FYTTD1: variants seen among roughly 807,000 people sequenced by gnomAD.
FYTTD1 encodes the protein UAP56-interacting factor.
Under a neutral mutation model 40.9 loss-of-function variants are expected in FYTTD1, and 22 were observed. That is an observed-to-expected ratio of 0.54 (90% CI 0.38 to 0.77). The LOEUF (loss-of-function observed/expected upper bound fraction) is 0.77, where lower values mean the gene tolerates loss of function less well. FYTTD1 is among the 30% of genes least tolerant of loss of function. The pLI is 0.00. For missense variants in FYTTD1, 351 were observed against 392.2 expected, an observed-to-expected ratio of 0.90 and a Z score of 0.89; for synonymous variants, 140 against 137.9, an observed-to-expected ratio of 1.01 and a Z score of -0.10.
rs1730126711 is a variant in FYTTD1 at position 197,785,152 on chromosome 3, A to G, written c.*3243A>G. 1 of 152,232 alleles carries G rather than the reference A, an allele frequency of 6.6e-6. No individual in the cohort carries two copies. Among genetic ancestry groups the G allele is most frequent in the Non-Finnish European group, 1.5e-5 (1 of 68,046 alleles). The allele number at this position is 152,232 out of a possible 1,614,324, so 9.4% of individuals were successfully genotyped here. On this transcript the variant is annotated 3_prime_UTR_variant, in exon 9 of 9. Transcript: ENST00000241502. ...GCTATTTGGGTTAGGTAGACCTGTT[A>G]GAAAAGTCCAGTGTTCCTAATCAGA...
chr3:197,764,882 G>T (rs918248410), intron 2 of FYTTD1, among the ~76,000 whole-genome samples: 1 of 150,228 alleles, frequency 6.7e-6, no homozygotes, highest in Non-Finnish European at 1.5e-5. Context: ...ATGGAGTCTT[G>T]CCCTGTCACC....
At chr3:197,775,955 A>G (rs1045526718) in intron 6 of FYTTD1, among the ~76,000 whole-genome samples, 1 of 152,238 alleles carries the variant, frequency 6.6e-6, no homozygotes, top group African/African-American at 2.4e-5. Context: ...TAATGTGAAT[A>G]TAAAGGAAGA....
Position 197,786,921 on chromosome 3 carries a change from C to T in FYTTD1, c.*5012C>T, listed in dbSNP as rs564428229. On this transcript the variant is annotated 3_prime_UTR_variant, in exon 9 of 9. Transcript: ENST00000241502. ...TCAAGCAATTCTTGTCCCTCAGCCTCGTAAGTAGGTGGGATTACAAGCTTG... is the reference window on the plus strand; with the variant it reads ...TCAAGCAATTCTTGTCCCTCAGCCTTGTAAGTAGGTGGGATTACAAGCTTG... 1.3e-5 allele frequency: 2 copies of T among 151,704 alleles called. No individual in the cohort carries two copies. Among genetic ancestry groups the T allele is most frequent in the Non-Finnish European group, 2.9e-5 (2 of 67,928 alleles). 9.4% of individuals were successfully genotyped at this position (151,704 alleles called of 1,614,324 possible).
chr3:197,767,441 A>T (rs372754439), intron 2 of FYTTD1, among the ~76,000 whole-genome samples: 4 of 145,082 alleles, frequency 2.8e-5, no homozygotes, highest in African/African-American at 5.0e-5. Context: ...CCTGGCTGCT[A>T]TTTTTTTTTT....
At chr3:197,751,729 A>ACCAGG (rs1395912599) in intron 1 of FYTTD1, among the ~76,000 whole-genome samples, 1 of 151,530 alleles carries the variant, frequency 6.6e-6, no homozygotes, top group African/African-American at 2.4e-5. Flanking sequence ...CTTACTACCT[A>ACCAGG]CCAGGTCCTG....
At chr3:197,762,566 G>A (rs1729419649) in intron 2 of FYTTD1, among the ~76,000 whole-genome samples, 1 of 147,338 alleles carries the variant, frequency 6.8e-6, no homozygotes, top group South Asian at 2.1e-4. Context: ...TCCACCCTGG[G>A]TGACAGAGCG....
chr3:197,763,980 GACCTGTA>G (rs1729466066), intron 2 of FYTTD1, among the ~76,000 whole-genome samples: 1 of 152,204 alleles, frequency 6.6e-6, no homozygotes, highest in African/African-American at 2.4e-5. Context: ...ACTGAACCAG[GACCTGTA>G]GAGGTAGGGC....
In FYTTD1 at chr3:197,782,382, A is replaced by ATT; in HGVS notation, c.*473_*474insTT. 1.3e-5 allele frequency: 2 copies of ATT among 152,238 alleles called. No homozygotes were observed. Among genetic ancestry groups the ATT allele is most frequent in the Non-Finnish European group, 2.9e-5 (2 of 68,098 alleles). The allele number at this position is 152,238 out of a possible 1,614,324, so 9.4% of individuals were successfully genotyped here. A position where few individuals can be genotyped will look rare whatever the true frequency, so the allele number is the denominator to read the frequency against. ...GTTGCCTTTTCTTCATTAGAGACAC[A>ATT]GAACAATGTATTAGAATTTCCAGCT... On this transcript the variant is annotated 3_prime_UTR_variant, in exon 9 of 9. Coordinates refer to ENST00000241502, the MANE Select transcript of FYTTD1 (RefSeq NM_032288.7).
At position 197,785,734 on chromosome 3, in the gene FYTTD1, TAG is replaced by T. The variant is rs1349911161; in HGVS notation, c.*3826_*3827del. 2 of 152,230 alleles carry T rather than the reference TAG, an allele frequency of 1.3e-5. No individual in the cohort carries two copies. Among genetic ancestry groups the T allele is most frequent in the East Asian group, 3.9e-4 (2 of 5,184 alleles). 9.4% of individuals were successfully genotyped at this position (152,230 alleles called of 1,614,324 possible). On this transcript the variant is annotated 3_prime_UTR_variant, in exon 9 of 9. Transcript: ENST00000241502. ...TACTATAAGGAGATAAGAGAAAAAA[TAG>T]CTCACTTGGCAGCACAGAAAATGAA...
In FYTTD1 at chr3:197,785,024, G is replaced by A. The variant is rs1010808049; in HGVS notation, c.*3115G>A. 14 of 152,176 alleles carry A rather than the reference G, an allele frequency of 9.2e-5. No individual in the cohort carries two copies. The highest frequency in any genetic ancestry group is 3.4e-4 in the African/African-American group (14 of 41,452). The allele number at this position is 152,176 out of a possible 1,614,324, so 9.4% of individuals were successfully genotyped here. ...CACCCACAGAAAATAGTGGAATGGT[G>A]TGTGGTTTTCAAATACCTAAGAATT... is the stretch of plus-strand genomic sequence containing the variant. On this transcript the variant is annotated 3_prime_UTR_variant, in exon 9 of 9. Coordinates refer to ENST00000241502, the MANE Select transcript of FYTTD1 (RefSeq NM_032288.7).
chr3:197,763,623 G>C (rs1379897934), intron 2 of FYTTD1: 1 of 388,902 alleles, frequency 2.6e-6, no homozygotes, highest in Admixed American at 3.6e-5. Context: ...CAAAAAAAAA[G>C]AAAGAGTATA....
At chr3:197,759,776 T>A (rs1729319054) in intron 2 of FYTTD1, among the ~76,000 whole-genome samples, 1 of 150,878 alleles carries the variant, frequency 6.6e-6, no homozygotes, top group Non-Finnish European at 1.5e-5. Flanking sequence ...TCTTCAGTGG[T>A]AGAATGTATA....
upstream of FYTTD1, chr3:197,749,856 A>ACGGCGC (rs1336686577): frequency 8.3e-6 from 5 of 604,888 alleles, no homozygotes; most frequent in Non-Finnish European, 1.3e-5. Context: ...GAGACCGAGG[A>ACGGCGC]CGGCGCCGGC....
intron 1 of FYTTD1, among the ~76,000 whole-genome samples, chr3:197,751,752 T>G (rs1234611820): frequency 1.3e-5 from 2 of 152,144 alleles, no homozygotes; most frequent in Admixed American, 6.5e-5. Context: ...CTAAGCATTT[T>G]ATATGTTAAC....
intron 6 of FYTTD1, among the ~76,000 whole-genome samples, chr3:197,775,715 A>G (rs1729856419): frequency 6.6e-6 from 1 of 152,234 alleles, no homozygotes; most frequent in African/African-American, 2.4e-5. Flanking sequence ...TTGGAGTGTT[A>G]GGAAACTGTG....
intron 4 of FYTTD1, among the ~76,000 whole-genome samples, chr3:197,771,253 C>T (rs924278720): frequency 1.3e-5 from 2 of 152,088 alleles, no homozygotes; most frequent in African/African-American, 2.4e-5. Flanking sequence ...TCTGTAAGGA[C>T]AAAGTAGATG....
rs1730044353 is a variant in FYTTD1 at position 197,782,102 on chromosome 3, A to C, written c.*193A>C. The stretch of plus-strand genomic sequence containing the variant: ...ATGCCCTGAAAGAATAATAGGGATT[A>C]TACCTGTCTGTTCTTAAAGATTTCA... On this transcript the variant is annotated 3_prime_UTR_variant, in exon 9 of 9. Coordinates refer to ENST00000241502, the MANE Select transcript of FYTTD1 (RefSeq NM_032288.7). 5.2e-6 allele frequency: 2 copies of C among 381,822 alleles called. No homozygotes were observed. Among genetic ancestry groups the C allele is most frequent in the Non-Finnish European group, 9.5e-6 (2 of 210,342 alleles). The allele number at this position is 381,822 out of a possible 1,614,324, so 23.7% of individuals were successfully genotyped here. A position where few individuals can be genotyped will look rare whatever the true frequency, so the allele number is the denominator to read the frequency against.
At position 197,757,088 on chromosome 3, in the gene FYTTD1, A is replaced by G. The variant is rs565654639; in HGVS notation, c.235+531A>G. On this transcript the variant is annotated intron_variant, in intron 2 of 8. Coordinates refer to ENST00000241502, the MANE Select transcript of FYTTD1 (RefSeq NM_032288.7). The stretch of plus-strand genomic sequence containing the variant: ...ACTACTGTTACATTCTGCATAGAAA[A>G]TGACCTCCAGACTCCTTATCTTATC... Among the ~76,000 whole-genome samples, 8 of 152,360 alleles carry G rather than the reference A, an allele frequency of 5.3e-5. No individual in the cohort carries two copies. The East Asian group carries it at 1.5e-3, about 29-fold the overall frequency.
At chr3:197,774,399 A>C (rs554236576) in intron 6 of FYTTD1, among the ~76,000 whole-genome samples, 189 bp downstream of exon 6, 2 of 152,246 alleles carry the variant, frequency 1.3e-5, no homozygotes, top group South Asian at 2.1e-4. Context: ...AAGAGAATTG[A>C]TGGAGCCCAA....
Sources: allele counts gnomAD v4.1 joint callset (sites outside exome capture counted in the v4.1 genomes callset), GRCh38; gene constraint gnomAD v4.1.1; transcripts MANE v1.5; gene names NCBI Gene and HGNC (gene_info 2026-07-23, HGNC 2026-07-21).